SP140: variants seen among roughly 807,000 people sequenced by gnomAD.
The protein encoded by SP140 is nuclear body protein SP140.
Under a neutral mutation model 125.0 loss-of-function variants are expected in SP140, and 81 were observed. The ratio of observed to expected loss-of-function variants is 0.65; its 90% confidence interval spans 0.54 to 0.78. SP140 has a LOEUF of 0.78. Among genes scored for constraint, SP140 ranks in the 30% least tolerant of loss-of-function variants. The probability of loss-of-function intolerance (pLI) is 0.00; values close to 1 mark genes in which losing one functional copy is unlikely to be tolerated. For missense variants in SP140, 858 were observed against 1,037.0 expected, an observed-to-expected ratio of 0.83 and a Z score of 2.37; for synonymous variants, 312 against 354.0, an observed-to-expected ratio of 0.88 and a Z score of 1.33.
intron 16 of SP140, among the ~76,000 whole-genome samples, chr2:230,285,423 A>AGTGGCTG (rs1167345511): frequency 1.3e-5 from 2 of 152,232 alleles, no homozygotes; most frequent in Admixed American, 1.3e-4. Context: ...AAAGAAAAAA[A>AGTGGCTG]AGTGGCTGCG....
intron 8 of SP140, among the ~76,000 whole-genome samples, chr2:230,248,348 G>C (rs745476984): frequency 5.3e-5 from 8 of 152,206 alleles, no homozygotes; most frequent in Non-Finnish European, 1.0e-4. Flanking sequence ...GTCACTGGGT[G>C]ATGGTTGTGC....
At chr2:230,203,187 G>A (rs2043355614) in exon 1 of SP140, 1 of 186,562 alleles carries the variant, frequency 5.4e-6, no homozygotes, top group African/African-American at 2.4e-5. Flanking sequence ...AAAACTGAGA[G>A]GGAAGGACCC....
At chr2:230,227,406 C>A (rs185238756) in intron 1 of SP140, among the ~76,000 whole-genome samples, 1 of 152,242 alleles carries the variant, frequency 6.6e-6, no homozygotes, top group Non-Finnish European at 1.5e-5. Context: ...AGGAAGAAGA[C>A]GGCACTGAGA....
upstream of SP140, chr2:230,201,063 T>C: frequency 2.2e-6 from 2 of 922,704 alleles, no homozygotes; most frequent in Non-Finnish European, 3.6e-6. Context: ...AAGTTGAGTC[T>C]TGGAGGCTCC....
chr2:230,304,377 A>G (rs1173781166), intron 22 of SP140, among the ~76,000 whole-genome samples: 2 of 152,320 alleles, frequency 1.3e-5, no homozygotes, highest in East Asian at 3.9e-4. Context: ...TACCATGATC[A>G]TTTTTCACAG....
At position 230,300,508 on chromosome 2, in the gene SP140, A is replaced by T. The variant is rs115626422; in HGVS notation, c.2058+3046A>T. Among the ~76,000 whole-genome samples, 113 of 152,266 alleles carry T rather than the reference A, an allele frequency of 7.4e-4. 1 individual carries two copies. The highest frequency in any genetic ancestry group is 2.5e-3 in the African/African-American group (103 of 41,554). On this transcript the variant is annotated intron_variant, in intron 22 of 26. Coordinates refer to ENST00000392045, the MANE Select transcript of SP140 (RefSeq NM_007237.5). ...TGCAGATACTCCCCAGTACCAGCCCAGAACCCAGTAGCTCTTCTGGGTGGC... is the reference window on the plus strand; with the variant it reads ...TGCAGATACTCCCCAGTACCAGCCCTGAACCCAGTAGCTCTTCTGGGTGGC...
intron 15 of SP140, among the ~76,000 whole-genome samples, chr2:230,281,482 C>T (rs1034523586): frequency 2.0e-5 from 3 of 152,150 alleles, no homozygotes; most frequent in Non-Finnish European, 4.4e-5. Flanking sequence ...CTTATAACTG[C>T]ATTTTTCTGC....
intron 15 of SP140, among the ~76,000 whole-genome samples, chr2:230,282,516 A>T (rs1031918166): frequency 1.3e-5 from 2 of 152,086 alleles, no homozygotes; most frequent in Non-Finnish European, 2.9e-5. Flanking sequence ...ACAAATCTTG[A>T]CCCAGTGCAG....
At chr2:230,190,029 T>C in the SP140 span, among the ~76,000 whole-genome samples, 1 of 152,236 alleles carries the variant, frequency 6.6e-6, no homozygotes, top group Non-Finnish European at 1.5e-5. Context: ...TGCATGTGTC[T>C]TTACAGTAGA....
chr2:230,299,228 C>T (rs369833465), intron 22 of SP140, among the ~76,000 whole-genome samples: 7 of 152,108 alleles, frequency 4.6e-5, no homozygotes, highest in African/African-American at 1.7e-4. Flanking sequence ...GGCTTGCCAC[C>T]GCAAACTCTG....
At chr2:230,274,492 C>A (rs764094821) in intron 15 of SP140, among the ~76,000 whole-genome samples, 1 of 152,024 alleles carries the variant, frequency 6.6e-6, no homozygotes, top group East Asian at 1.9e-4. Flanking sequence ...GGCAGCCTTC[C>A]GAAGCTGGAA....
intron 22 of SP140, among the ~76,000 whole-genome samples, chr2:230,298,695 G>T (rs1426987779): frequency 6.6e-6 from 1 of 152,286 alleles, no homozygotes; most frequent in Non-Finnish European, 1.5e-5. Flanking sequence ...ACTTTGCTTA[G>T]GTTGAATCTC....
chr2:230,263,593 C>T (rs533514478), intron 12 of SP140, among the ~76,000 whole-genome samples: 3 of 151,992 alleles, frequency 2.0e-5, no homozygotes, highest in East Asian at 1.9e-4. Flanking sequence ...AAAGAGGTTC[C>T]GTTTTGATGT....
intron 10 of SP140, 83 bp from the exon 11 acceptor site, chr2:230,253,233 G>GGGGTC: frequency 1.1e-6 from 1 of 942,186 alleles, no homozygotes; most frequent in Non-Finnish European, 1.7e-6. Flanking sequence ...GAACAAGACA[G>GGGGTC]GGGTGGCTCT....
intron 22 of SP140, among the ~76,000 whole-genome samples, chr2:230,303,123 G>A (rs1216854320): frequency 6.6e-6 from 1 of 152,068 alleles, no homozygotes; most frequent in Non-Finnish European, 1.5e-5. Context: ...CAAAAAGCTG[G>A]TTATTTGAAA....
upstream of SP140, among the ~76,000 whole-genome samples, chr2:230,223,225 T>C (rs1280282317): frequency 1.3e-5 from 2 of 151,994 alleles, no homozygotes; most frequent in Non-Finnish European, 2.9e-5. Context: ...TTAGTAGAGA[T>C]GGGGTTTCAC....
intron 9 of SP140, 86 bp downstream of exon 9, chr2:230,249,054 T>C: frequency 1.0e-6 from 1 of 963,416 alleles, no homozygotes; most frequent in Non-Finnish European, 1.6e-6. Context: ...TCTCCCATCC[T>C]ACCCTTCCCT....
Position 230,267,257 on chromosome 2 carries a change from C to G in SP140, c.1241-2275C>G, listed in dbSNP as rs148454557. Among the ~76,000 whole-genome samples, 14 of 152,248 alleles carry G rather than the reference C, an allele frequency of 9.2e-5. No homozygotes were observed. In the East Asian group the frequency reaches 2.5e-3, roughly 27 times the overall value. ...CCTATTTTGTTTATTGCTTGCAGAC[C>G]TCAAATCATCCGTAGTGTAGGTATA... On this transcript the variant is annotated intron_variant, in intron 12 of 26. Transcript: ENST00000392045.
chr2:230,269,827 T>C lies in SP140; in HGVS notation c.1328-10T>C, dbSNP rs747690297. The stretch of plus-strand genomic sequence containing the variant: ...ACTGAAAGTCTTCATGAATCACAAT[T>C]TTGGCCCAGGAGCGGAGCAATCAGC... On this transcript the variant is annotated splice_polypyrimidine_tract_variant and intron_variant, in intron 13 of 26. Coordinates refer to ENST00000392045, the MANE Select transcript of SP140 (RefSeq NM_007237.5). The C allele has an allele frequency of 5.6e-6, 9 of 1,603,090 alleles. No individual in the cohort carries two copies. The highest frequency in any genetic ancestry group is 1.7e-4 in the Middle Eastern group (1 of 6,060).
Sources: gnomAD v4.1 joint callset for allele counts (sites outside exome capture counted in the v4.1 genomes callset) on GRCh38, gnomAD v4.1.1 for gene constraint, MANE v1.5 for transcripts, NCBI Gene and HGNC (gene_info 2026-07-23, HGNC 2026-07-21) for gene names.